LGALS8: variants seen among roughly 807,000 people sequenced by gnomAD.
The protein encoded by LGALS8 is galectin 8, also known as galectin-8.
LGALS8 carries 30 observed loss-of-function variants against 35.9 expected under a neutral mutation model. The observed-to-expected ratio is 0.83, with a 90% CI of 0.62 to 1.13. The LOEUF is 1.13. Among genes scored for constraint, LGALS8 ranks in the 50% most tolerant of loss-of-function variants. The pLI, the probability that LGALS8 is intolerant of heterozygous loss-of-function variation, is 0.00. For missense variants in LGALS8, 366 were observed against 388.7 expected, an observed-to-expected ratio of 0.94 and a Z score of 0.49; for synonymous variants, 138 against 136.1, an observed-to-expected ratio of 1.01 and a Z score of -0.10.
Position 236,548,118 on chromosome 1 carries a change from A to AAAT in LGALS8, c.912_914dup (p.Ile305dup), listed in dbSNP as rs1470958904. 2 of 1,613,956 alleles carry AAAT rather than the reference A, an allele frequency of 1.2e-6. No individual in the cohort carries two copies. Among genetic ancestry groups the AAAT allele is most frequent in the Admixed American group, 1.7e-5 (1 of 59,996 alleles). On this transcript the variant is annotated inframe_insertion, in exon 10 of 10. Coordinates refer to ENST00000366584, the MANE Select transcript of LGALS8 (RefSeq NM_201544.4). The stretch of plus-strand genomic sequence containing the variant: ...GAGCTCAGCAGTATTGACACGCTGG[A>AAAT]AATTAATGGAGACATCCACTTACTG...
intron 2 of LGALS8, among the ~76,000 whole-genome samples, chr1:236,534,230 T>C (rs140827867): frequency 1.1e-4 from 16 of 152,312 alleles, no homozygotes; most frequent in African/African-American, 2.9e-4. Flanking sequence ...AGCAGCCAAA[T>C]AGAGTATCAC....
intron 2 of LGALS8, among the ~76,000 whole-genome samples, chr1:236,537,230 T>G (rs1057317150): frequency 6.6e-6 from 1 of 151,874 alleles, no homozygotes; most frequent in African/African-American, 2.4e-5. Flanking sequence ...TTAGCCAGGA[T>G]GGTCTCGATC....
intron 9 of LGALS8, among the ~76,000 whole-genome samples, chr1:236,545,787 ATTGG>A (rs1358266948): frequency 1.1e-4 from 16 of 152,008 alleles, no homozygotes; most frequent in Non-Finnish European, 2.4e-4. Context: ...AGTTGTGGAT[ATTGG>A]TTTGGAATTC....
intron 8 of LGALS8, 59 bp downstream of exon 8, chr1:236,543,707 C>T (rs2799410): frequency 0.61 from 724,353 of 1,196,328 alleles, 226,198 homozygotes; most frequent in Non-Finnish European, 0.65. Flanking sequence ...TACCGCCTTC[C>T]ACCCGTGAAC....
At chr1:236,527,227 T>C (rs1660863653) in intron 2 of LGALS8, among the ~76,000 whole-genome samples, 1 of 152,218 alleles carries the variant, frequency 6.6e-6, no homozygotes, top group Admixed American at 6.5e-5. Context: ...ATTTCTGCCC[T>C]TCACACAGAA....
chr1:236,524,202 C>T (rs1207834040), intron 1 of LGALS8, 141 bp downstream of exon 1: 1 of 456,164 alleles, frequency 2.2e-6, no homozygotes, highest in East Asian at 7.0e-5. Flanking sequence ...GTGTCCAGTC[C>T]ACCCCGACCC....
At position 236,549,035 on chromosome 1, in the gene LGALS8, A is replaced by C; in HGVS notation, c.*874A>C. On this transcript the variant is annotated 3_prime_UTR_variant, in exon 10 of 10. Transcript: ENST00000366584. The stretch of plus-strand genomic sequence containing the variant: ...TTTGAAAGATATTTATGGGCAACAA[A>C]GTAAGGTCAGGATTAGACTTCAGGC... The C allele has an allele frequency of 2.5e-6, 1 of 398,628 alleles. No individual in the cohort carries two copies. Among genetic ancestry groups the C allele is most frequent in the East Asian group, 3.6e-5 (1 of 28,082 alleles). 24.7% of individuals were successfully genotyped at this position (398,628 alleles called of 1,614,324 possible). A position where few individuals can be genotyped will look rare whatever the true frequency, so the allele number is the denominator to read the frequency against.
rs562328543 is a variant in LGALS8, at chr1:236,526,500, C to T, written c.45+385C>T. Reference sequence around the variant, plus strand: ...AGCTGTCCATGAGAAGTTAATGTCTCGATCTTTCCCTCAGCCTTTCAAATA... The same window carrying T: ...AGCTGTCCATGAGAAGTTAATGTCTTGATCTTTCCCTCAGCCTTTCAAATA... On this transcript the variant is annotated intron_variant, in intron 2 of 9. Transcript: ENST00000366584. The surrounding 1 kb of genome is among the most constrained non-coding windows in gnomAD (Gnocchi z 4.6). The T allele has an allele frequency of 7.4e-5, 12 of 161,316 alleles. No homozygotes were observed. In the South Asian group the frequency reaches 1.6e-3, roughly 21 times the overall value. 10.0% of individuals were successfully genotyped at this position (161,316 alleles called of 1,614,324 possible).
At chr1:236,535,242 TCCC>T (rs1661409222) in intron 2 of LGALS8, among the ~76,000 whole-genome samples, 1 of 151,920 alleles carries the variant, frequency 6.6e-6, no homozygotes, top group Admixed American at 6.6e-5. Context: ...AATCCCATCA[TCCC>T]CCATGAAAAC....
In LGALS8 at chr1:236,548,940, G is replaced by C; in HGVS notation, c.*779G>C. 2.5e-6 allele frequency: 1 copy of C among 398,358 alleles called. No individual in the cohort carries two copies. Among genetic ancestry groups the C allele is most frequent in the Non-Finnish European group, 4.4e-6 (1 of 226,002 alleles). The allele number at this position is 398,358 out of a possible 1,614,324, so 24.7% of individuals were successfully genotyped here. ...CAAGGCAGCTGATTTCTGTGTATTT[G>C]AACTTAGGGCAAATCAGAGTCTACA... is the stretch of plus-strand genomic sequence containing the variant. On this transcript the variant is annotated 3_prime_UTR_variant, in exon 10 of 10. Transcript: ENST00000366584.
At position 236,550,992 on chromosome 1, in the gene LGALS8, T is replaced by TA. The variant is rs55866014; in HGVS notation, c.*2849dup. On this transcript the variant is annotated 3_prime_UTR_variant, in exon 10 of 10. Coordinates refer to ENST00000366584, the MANE Select transcript of LGALS8 (RefSeq NM_201544.4). ...GATGTTCTACTTCTTCACATTCATCTAAAAAAAAAAAAAAAAAATCAAAAT... is the reference window on the plus strand; with the variant it reads ...GATGTTCTACTTCTTCACATTCATCTAAAAAAAAAAAAAAAAAAATCAAAAT... 0.19 allele frequency: 238,002 copies of TA among 1,234,520 alleles called. 1,717 individuals carry two copies. The highest frequency in any genetic ancestry group is 0.23 in the African/African-American group (14,608 of 63,152). The allele number at this position is 1,234,520 out of a possible 1,614,324, so 76.5% of individuals were successfully genotyped here. A position where few individuals can be genotyped will look rare whatever the true frequency, so the allele number is the denominator to read the frequency against.
At chr1:236,543,147 A>C in intron 7 of LGALS8, 1 of 1,016,088 alleles carries the variant, frequency 9.8e-7, no homozygotes, top group Non-Finnish European at 1.5e-6. Flanking sequence ...CCCCCTCTGC[A>C]TTTGTGTGCC....
At chr1:236,519,569 T>C (rs989219211), upstream of LGALS8, among the ~76,000 whole-genome samples, 2 of 152,242 alleles carry the variant, frequency 1.3e-5, no homozygotes, top group Non-Finnish European at 2.9e-5. Context: ...TCTATTGTTC[T>C]GAAACTGGTT....
chr1:236,546,184 C>CG (rs1482284849), intron 9 of LGALS8, among the ~76,000 whole-genome samples: 6 of 152,244 alleles, frequency 3.9e-5, no homozygotes, highest in Non-Finnish European at 7.4e-5. Context: ...ACATTCCAGG[C>CG]ATTTTTTTGC....
Position 236,552,056 on chromosome 1 carries a change from C to T in LGALS8, c.*3895C>T. 21 of 1,613,762 alleles carry T rather than the reference C, an allele frequency of 1.3e-5. No individual in the cohort carries two copies. The highest frequency in any genetic ancestry group is 1.8e-5 in the Non-Finnish European group (21 of 1,179,868). On this transcript the variant is annotated 3_prime_UTR_variant, in exon 10 of 10. Coordinates refer to ENST00000366584, the MANE Select transcript of LGALS8 (RefSeq NM_201544.4). ...TCTGGTAGCAAGACAATATAATTCTCCTTTAGTTTTTCAGCCAGTGCTAAC... is the reference window on the plus strand; with the variant it reads ...TCTGGTAGCAAGACAATATAATTCTTCTTTAGTTTTTCAGCCAGTGCTAAC...
chr1:236,535,266 A>AT (rs576749850), intron 2 of LGALS8, among the ~76,000 whole-genome samples: 1 of 151,952 alleles, frequency 6.6e-6, no homozygotes, highest in Non-Finnish European at 1.5e-5. Flanking sequence ...TATTGTTATC[A>AT]TTTTTGTCTG....
At chr1:236,533,666 G>C (rs901316865) in intron 2 of LGALS8, among the ~76,000 whole-genome samples, 2 of 151,114 alleles carry the variant, frequency 1.3e-5, no homozygotes, top group Non-Finnish European at 2.9e-5. Flanking sequence ...ATGTTGAATT[G>C]GTCAGGGTTT....
In LGALS8 at chr1:236,541,682, T is replaced by TG; in HGVS notation, c.496dup (p.Glu166GlyfsTer7). The TG allele has an allele frequency of 6.5e-7, 1 of 1,528,220 alleles. No homozygotes were observed. The highest frequency in any genetic ancestry group is 1.4e-5 in the African/African-American group (1 of 72,140). The allele number at this position is 1,528,220 out of a possible 1,614,324, so 94.7% of individuals were successfully genotyped here. A position where few individuals can be genotyped will look rare whatever the true frequency, so the allele number is the denominator to read the frequency against. ...TTACAAAGTACCCAAGCATCTAGTC[T>TG]GGAACTGACAGAGATAAGTAGAGAA... On this transcript the variant is annotated frameshift_variant, in exon 6 of 10. Transcript: ENST00000366584. LOFTEE classifies it high-confidence loss of function.
In LGALS8 at chr1:236,548,158, G is replaced by GTAGCCTACCTACACAGCTGCTACAAAAA; in HGVS notation, c.952_*25dup. ...TCCACTTACTGGAAGTAAGGAGCTG[G>GTAGCCTACCTACACAGCTGCTACAAAAA]TAGCCTACCTACACAGCTGCTACAA... On this transcript the variant is annotated frameshift_variant and stop_retained_variant, in exon 10 of 10. Transcript: ENST00000366584. LOFTEE classifies it high-confidence loss of function. 6.2e-7 allele frequency: 1 copy of GTAGCCTACCTACACAGCTGCTACAAAAA among 1,612,902 alleles called. No individual in the cohort carries two copies.
Sources: gnomAD v4.1 joint callset for allele counts (sites outside exome capture counted in the v4.1 genomes callset) on GRCh38, gnomAD v4.1.1 for gene constraint, Gnocchi (gnomAD v3.1) non-coding constraint, MANE v1.5 for transcripts, NCBI Gene and HGNC (gene_info 2026-07-23, HGNC 2026-07-21) for gene names.